Variants in EIPR1 observed in about 807,000 individuals in gnomAD.
EIPR1 encodes EARP complex and GARP complex interacting protein 1.
EIPR1 carries 25 observed loss-of-function variants against 48.1 expected under a neutral mutation model. The observed-to-expected ratio is 0.52, with a 90% CI of 0.38 to 0.73. The LOEUF is 0.73. Ranked by LOEUF, EIPR1 falls within the 30% of genes least tolerant of loss-of-function variation. The pLI, the probability that EIPR1 is intolerant of heterozygous loss-of-function variation, is 0.00. For synonymous variants in EIPR1, 204 were observed against 201.9 expected, an observed-to-expected ratio of 1.01 and a Z score of -0.09; for missense variants, 415 against 506.2, an observed-to-expected ratio of 0.82 and a Z score of 1.73.
chr2:3,259,377 C>T (rs1164548772), intron 3 of EIPR1, among the ~76,000 whole-genome samples: 1 of 152,178 alleles, frequency 6.6e-6, no homozygotes, highest in Non-Finnish European at 1.5e-5. Context: ...GCTCACCAAA[C>T]TCCTTAACTA....
rs12471661 is a variant in EIPR1 at position 3,218,754 on chromosome 2, C to T, written c.417-4506G>A. ...CAGTGAGTCAGGTGCACACTCAACA[C>T]GACCCTGATACACTCTAGAGCGTTC... is the stretch of plus-strand genomic sequence containing the variant. On this transcript the variant is annotated intron_variant, in intron 4 of 8. Coordinates refer to ENST00000382125, the MANE Select transcript of EIPR1 (RefSeq NM_003310.5). Among the ~76,000 whole-genome samples, 1,161 of 146,288 alleles carry T rather than the reference C, an allele frequency of 7.9e-3. 27 individuals are homozygous for T. Among genetic ancestry groups the T allele is most frequent in the Admixed American group, 0.054 (804 of 14,756 alleles).
chr2:3,263,831 G>T (rs985466236), intron 3 of EIPR1, among the ~76,000 whole-genome samples: 7 of 145,372 alleles, frequency 4.8e-5, no homozygotes, highest in Non-Finnish European at 7.5e-5. Context: ...AACAAATGAT[G>T]CTGCAGCACC....
intron 4 of EIPR1, among the ~76,000 whole-genome samples, chr2:3,254,260 C>T (rs575635982): frequency 2.0e-5 from 3 of 152,266 alleles, no homozygotes; most frequent in African/African-American, 4.8e-5. Flanking sequence ...CTGGGGAGGA[C>T]GCAGAGAGGA....
intron 3 of EIPR1, among the ~76,000 whole-genome samples, chr2:3,269,579 C>T (rs1381602819): frequency 2.6e-5 from 2 of 75,924 alleles, no homozygotes; most frequent in Admixed American, 1.4e-4. Context: ...ACTCAGTCAT[C>T]GCACTCAATC....
At chr2:3,282,543 T>C (rs1239425881) in intron 3 of EIPR1, 1 of 152,222 alleles carries the variant, frequency 6.6e-6, no homozygotes, top group Non-Finnish European at 1.5e-5. Context: ...CGACTGCCAA[T>C]GCACTGACAT....
chr2:3,307,644 G>A (rs1668988656), intron 3 of EIPR1, among the ~76,000 whole-genome samples: 5 of 152,312 alleles, frequency 3.3e-5, no homozygotes, highest in South Asian at 4.1e-4. Flanking sequence ...CAGCTAAAAC[G>A]CACTTCTCCT....
intron 3 of EIPR1, among the ~76,000 whole-genome samples, chr2:3,313,914 A>G (rs2103312819): frequency 1.3e-5 from 2 of 152,282 alleles, no homozygotes; most frequent in South Asian, 4.1e-4. Flanking sequence ...CCCGGTCTTC[A>G]TTAGCAGCGG....
At chr2:3,294,555 C>G (rs892068333) in intron 3 of EIPR1, among the ~76,000 whole-genome samples, 3 of 145,714 alleles carry the variant, frequency 2.1e-5, no homozygotes, top group Admixed American at 1.4e-4. Context: ...CCTCTCTACA[C>G]ACACCCTCCA....
At chr2:3,230,903 T>G (rs957934630) in intron 4 of EIPR1, among the ~76,000 whole-genome samples, 4 of 152,326 alleles carry the variant, frequency 2.6e-5, no homozygotes, top group East Asian at 3.9e-4. Context: ...AGAACTTTGA[T>G]GGGGATTGCA....
At chr2:3,198,492 T>G (rs1284784137) in intron 5 of EIPR1, among the ~76,000 whole-genome samples, 1 of 152,176 alleles carries the variant, frequency 6.6e-6, no homozygotes, top group Non-Finnish European at 1.5e-5. Context: ...TAGGAAACAT[T>G]TTTGGAAACT....
At chr2:3,243,803 C>T (rs528255982) in intron 4 of EIPR1, among the ~76,000 whole-genome samples, 32 of 152,284 alleles carry the variant, frequency 2.1e-4, no homozygotes, top group East Asian at 1.9e-3. Flanking sequence ...GGCCACAACC[C>T]GGGCAAGCCT....
intron 7 of EIPR1, 21 bp downstream of exon 7, chr2:3,193,978 A>C: frequency 6.2e-7 from 1 of 1,612,288 alleles, no homozygotes. Context: ...TCCTCCCTGA[A>C]GCAGCCAGGA....
chr2:3,288,410 C>T (rs912674230), intron 3 of EIPR1, among the ~76,000 whole-genome samples: 4 of 152,214 alleles, frequency 2.6e-5, no homozygotes, highest in East Asian at 1.9e-4. Context: ...TGAAATACCA[C>T]GTTACAGCTG....
At position 3,232,739 on chromosome 2, in the gene EIPR1, T is replaced by C. The variant is rs143228635; in HGVS notation, c.417-18491A>G. On this transcript the variant is annotated intron_variant, in intron 4 of 8. Transcript: ENST00000382125. ...ATGTTGAATAGGCCTGAATAGGGTT[T>C]GCTTTTATGAAAATTTAGTCAGCAG... is the stretch of plus-strand genomic sequence containing the variant. 2.6e-3 allele frequency among the ~76,000 whole-genome samples: 389 copies of C among 152,308 alleles called. 2 individuals are homozygous for C. Among genetic ancestry groups the C allele is most frequent in the African/African-American group, 9.0e-3 (375 of 41,570 alleles).
chr2:3,194,693 G>A (rs1558213818), intron 6 of EIPR1, among the ~76,000 whole-genome samples: 1 of 29,946 alleles, frequency 3.3e-5, no homozygotes, highest in Non-Finnish European at 8.7e-5. Context: ...GAGAGAGAGA[G>A]AAAGGGGGGG....
chr2:3,357,313 C>A (rs962888780), intron 1 of EIPR1, among the ~76,000 whole-genome samples: 4 of 152,244 alleles, frequency 2.6e-5, no homozygotes, highest in African/African-American at 9.6e-5. Flanking sequence ...AACCTGGACA[C>A]CCTCCACCAG....
chr2:3,250,075 C>G (rs937692700), intron 4 of EIPR1, among the ~76,000 whole-genome samples: 5 of 152,176 alleles, frequency 3.3e-5, no homozygotes, highest in Non-Finnish European at 5.9e-5. Flanking sequence ...GAAGTCCCCA[C>G]AGAGTCCCCA....
intron 2 of EIPR1, among the ~76,000 whole-genome samples, chr2:3,343,709 T>C (rs1227024226): frequency 6.6e-6 from 1 of 152,210 alleles, no homozygotes; most frequent in Non-Finnish European, 1.5e-5. Context: ...CTCCCTCCTT[T>C]TCTGCAAGAA....
intron 2 of EIPR1, among the ~76,000 whole-genome samples, chr2:3,339,471 T>A (rs979166829): frequency 6.6e-6 from 1 of 152,224 alleles, no homozygotes; most frequent in African/African-American, 2.4e-5. Flanking sequence ...TCTCAGGGTC[T>A]GATAGGGCTT....
Sources: gnomAD v4.1 joint callset for allele counts (sites outside exome capture counted in the v4.1 genomes callset) on GRCh38, gnomAD v4.1.1 for gene constraint, MANE v1.5 for transcripts, NCBI Gene and HGNC (gene_info 2026-07-23, HGNC 2026-07-21) for gene names.